The following ATRNL1 variants were observed in gnomAD, a reference collection of about 807,000 sequenced individuals.
The protein encoded by ATRNL1 is attractin like 1.
Under a neutral mutation model 182.7 loss-of-function variants are expected in ATRNL1, and 95 were observed. That is an observed-to-expected ratio of 0.52 (90% CI 0.44 to 0.62). The LOEUF (loss-of-function observed/expected upper bound fraction) is 0.62, where lower values mean the gene tolerates loss of function less well. ATRNL1 is among the 20% of genes least tolerant of loss of function. The pLI is 0.00. For missense variants in ATRNL1, 1,471 were observed against 1,679.5 expected (o/e 0.88, Z 2.17); for synonymous variants, 576 against 568.3 (o/e 1.01, Z -0.19).
At chr10:115,462,113 TTC>T in intron 22 of ATRNL1, 78 bp downstream of exon 22, 1 of 994,266 alleles carries the variant, frequency 1.0e-6, no homozygotes, top group South Asian at 1.7e-5. Context: ...ATTTTACCTC[TTC>T]TCAGAATTAT....
chr10:115,285,284 A>G (rs954028236), intron 14 of ATRNL1, among the ~76,000 whole-genome samples: 3 of 152,168 alleles, frequency 2.0e-5, no homozygotes, highest in African/African-American at 7.2e-5. Context: ...TATAGCATGC[A>G]TAAAGAGAAG....
intron 10 of ATRNL1, among the ~76,000 whole-genome samples, chr10:115,249,647 A>G (rs1314030316): frequency 2.0e-5 from 3 of 152,158 alleles, no homozygotes; most frequent in African/African-American, 7.2e-5. Flanking sequence ...AATAATGAGT[A>G]CATTATGTTA....
chr10:115,536,224 C>T (rs1264163083), intron 25 of ATRNL1, among the ~76,000 whole-genome samples: 4 of 152,184 alleles, frequency 2.6e-5, no homozygotes, highest in Non-Finnish European at 4.4e-5. Flanking sequence ...GTGGAGCCTA[C>T]AGAGACAGGC....
chr10:115,272,492 T>C (rs1367024133), intron 13 of ATRNL1, among the ~76,000 whole-genome samples: 5 of 152,090 alleles, frequency 3.3e-5, no homozygotes, highest in African/African-American at 1.2e-4. Context: ...CTGGAAAAAA[T>C]TATTCCTTCC....
intron 8 of ATRNL1, among the ~76,000 whole-genome samples, chr10:115,171,899 C>A (rs943024858): frequency 6.6e-6 from 1 of 151,854 alleles, no homozygotes; most frequent in Non-Finnish European, 1.5e-5. Flanking sequence ...ACAGTGGTAA[C>A]CTTCTTTATT....
At chr10:115,811,605 A>C (rs772266244) in intron 27 of ATRNL1, among the ~76,000 whole-genome samples, 1 of 151,976 alleles carries the variant, frequency 6.6e-6, no homozygotes, top group African/African-American at 2.4e-5. Flanking sequence ...TGTATATTCT[A>C]TCAGTTTTTG....
chr10:115,424,325 G>A (rs549005915), intron 20 of ATRNL1, among the ~76,000 whole-genome samples: 56 of 152,280 alleles, frequency 3.7e-4, no homozygotes, highest in African/African-American at 1.3e-3. Context: ...TCTATCCACC[G>A]TTGGTGGAAA....
intron 26 of ATRNL1, among the ~76,000 whole-genome samples, chr10:115,648,392 T>C (rs1473215587): frequency 6.6e-6 from 1 of 152,192 alleles, no homozygotes; most frequent in Admixed American, 6.5e-5. Flanking sequence ...AAGTAATTTA[T>C]AGATTCAGTG....
chr10:115,557,285 G>A (rs1853368426), intron 26 of ATRNL1, among the ~76,000 whole-genome samples: 1 of 152,096 alleles, frequency 6.6e-6, no homozygotes, highest in African/African-American at 2.4e-5. Flanking sequence ...GAGCTGAGTA[G>A]GAAGCTAAAT....
At chr10:115,105,050 C>T (rs1435199513) in intron 1 of ATRNL1, among the ~76,000 whole-genome samples, 1 of 151,840 alleles carries the variant, frequency 6.6e-6, no homozygotes, top group Non-Finnish European at 1.5e-5. Context: ...CTTTTTGGCT[C>T]TGCATATATT....
chr10:115,723,153 T>C (rs186961475), intron 26 of ATRNL1, among the ~76,000 whole-genome samples: 6 of 152,312 alleles, frequency 3.9e-5, no homozygotes, highest in Admixed American at 3.9e-4. Context: ...GATGGTGCCA[T>C]ATTAATATCA....
chr10:115,258,998 C>T (rs1475601161), intron 10 of ATRNL1, among the ~76,000 whole-genome samples: 14 of 152,136 alleles, frequency 9.2e-5, no homozygotes, highest in Non-Finnish European at 2.1e-4. Flanking sequence ...AAGCTTCATC[C>T]CAACGGGGCA....
intron 15 of ATRNL1, among the ~76,000 whole-genome samples, chr10:115,287,480 G>A (rs183964723): frequency 8.3e-6 from 1 of 120,174 alleles, no homozygotes; most frequent in Non-Finnish European, 1.8e-5. Context: ...AATATTTCTG[G>A]TAAATAGTTA....
intron 26 of ATRNL1, among the ~76,000 whole-genome samples, chr10:115,580,391 C>T (rs1478909810): frequency 6.6e-6 from 1 of 151,966 alleles, no homozygotes; most frequent in Non-Finnish European, 1.5e-5. Flanking sequence ...CAATTTGTTT[C>T]TTTTAGCATT....
intron 27 of ATRNL1, among the ~76,000 whole-genome samples, chr10:115,802,045 C>CACACACACACACACACACACAA (rs1360083138): frequency 1.5e-5 from 1 of 67,066 alleles, no homozygotes; most frequent in East Asian, 5.7e-4. Context: ...CACACACACA[C>CACACACACACACACACACACAA]AAAACAAAAA....
chr10:115,874,937 T>G (rs1192195053), intron 28 of ATRNL1, among the ~76,000 whole-genome samples: 1 of 152,168 alleles, frequency 6.6e-6, no homozygotes, highest in Non-Finnish European at 1.5e-5. Flanking sequence ...TTGAGGACAT[T>G]TACTTTTCTG....
chr10:115,800,261 A>C (rs1555084031), intron 27 of ATRNL1, among the ~76,000 whole-genome samples: 1 of 152,110 alleles, frequency 6.6e-6, no homozygotes, highest in African/African-American at 2.4e-5. Context: ...CTAAGAAAAG[A>C]AATGTCTCTT....
chr10:115,709,381 A>G (rs1946995870), intron 26 of ATRNL1, among the ~76,000 whole-genome samples: 1 of 151,954 alleles, frequency 6.6e-6, no homozygotes, highest in Non-Finnish European at 1.5e-5. Context: ...TGAACAAAAT[A>G]TATATTGGGT....
chr10:115,535,459 C>G (rs1158734228), intron 25 of ATRNL1, among the ~76,000 whole-genome samples: 1 of 150,092 alleles, frequency 6.7e-6, no homozygotes, highest in Non-Finnish European at 1.5e-5. Context: ...TCAGCTCCAT[C>G]AGCTCCTTTA....
Sources: allele counts gnomAD v4.1 joint callset (sites outside exome capture counted in the v4.1 genomes callset), GRCh38; gene constraint gnomAD v4.1.1; transcripts MANE v1.5; gene names NCBI Gene and HGNC (gene_info 2026-07-23, HGNC 2026-07-21).